CDH13: variants seen among roughly 807,000 people sequenced by gnomAD.
The protein encoded by CDH13 is cadherin 13, also known as cadherin-13.
In CDH13, 24 loss-of-function variants were observed where a neutral mutation model predicts 63.8. That is an observed-to-expected ratio of 0.38 (90% CI 0.27 to 0.53). The LOEUF (loss-of-function observed/expected upper bound fraction) is 0.53, where lower values mean the gene tolerates loss of function less well. Ranked by LOEUF, CDH13 falls within the 20% of genes least tolerant of loss-of-function variation. The pLI, the probability that CDH13 is intolerant of heterozygous loss-of-function variation, is 0.85. For synonymous variants in CDH13, 503 were observed against 355.3 expected (o/e 1.42, Z -4.67); for missense variants, 1,049 against 903.1 (o/e 1.16, Z -2.07).
At chr16:83,536,302 G>C (rs901867400) in intron 7 of CDH13, among the ~76,000 whole-genome samples, 4 of 152,168 alleles carry the variant, frequency 2.6e-5, no homozygotes, top group Non-Finnish European at 5.9e-5. Flanking sequence ...AAGGTAAGAG[G>C]GGGAAGACCA....
intron 4 of CDH13, among the ~76,000 whole-genome samples, chr16:83,189,323 C>G (rs1184246934): frequency 6.6e-6 from 1 of 152,214 alleles, no homozygotes; most frequent in Non-Finnish European, 1.5e-5. Context: ...TGCCCCCAGT[C>G]TCCCTGGGAC....
In CDH13 at chr16:82,748,501, G is replaced by C. The variant is rs529864396; in HGVS notation, c.46-109861G>C. Among the ~76,000 whole-genome samples the C allele has an allele frequency of 1.4e-3, 211 of 152,222 alleles. 1 individual carries two copies. The highest frequency in any genetic ancestry group is 4.9e-3 in the African/African-American group (202 of 41,530). On this transcript the variant is annotated intron_variant, in intron 1 of 13. Transcript: ENST00000567109. Reference sequence around the variant, plus strand: ...TTCTGAATTGAGCTTTGGTTGTATGGGATAGATATCTGTTCTGTTGGTGGT... The same window carrying C: ...TTCTGAATTGAGCTTTGGTTGTATGCGATAGATATCTGTTCTGTTGGTGGT...
At chr16:82,902,081 G>C (rs2041491125) in intron 2 of CDH13, among the ~76,000 whole-genome samples, 4 of 152,152 alleles carry the variant, frequency 2.6e-5, no homozygotes, top group Admixed American at 2.6e-4. Context: ...TGGGCTGTTT[G>C]CCTATATCAA....
At chr16:83,373,138 A>G (rs558940338) in intron 6 of CDH13, among the ~76,000 whole-genome samples, 154 of 152,320 alleles carry the variant, frequency 1.0e-3, no homozygotes, top group African/African-American at 3.6e-3. Context: ...TATTGAGCAA[A>G]TGTTTAAACT....
chr16:83,571,101 C>T (rs1287206382), intron 7 of CDH13, among the ~76,000 whole-genome samples: 1 of 151,608 alleles, frequency 6.6e-6, no homozygotes, highest in East Asian at 1.9e-4. Flanking sequence ...CGTTGACATG[C>T]ACATATTTCC....
intron 1 of CDH13, among the ~76,000 whole-genome samples, chr16:82,692,230 AT>A (rs765206244): frequency 6.6e-5 from 10 of 152,232 alleles, no homozygotes; most frequent in Non-Finnish European, 1.5e-4. Context: ...CTTCTATGTT[AT>A]TAGGCTCAAA....
intron 2 of CDH13, among the ~76,000 whole-genome samples, chr16:82,940,872 G>T (rs1904278874): frequency 6.6e-6 from 1 of 152,120 alleles, no homozygotes; most frequent in African/African-American, 2.4e-5. Context: ...CTTTATTAGG[G>T]AAACATTTAT....
At chr16:83,278,681 C>T (rs887237516) in intron 5 of CDH13, among the ~76,000 whole-genome samples, 1 of 152,104 alleles carries the variant, frequency 6.6e-6, no homozygotes, top group Non-Finnish European at 1.5e-5. Context: ...GGCATTATTC[C>T]AGGGTAGTCT....
rs1909148031 is a variant in CDH13, at chr16:83,614,763, A to T, written c.1101+12169A>T. Among the ~76,000 whole-genome samples, 3 of 152,198 alleles carry T rather than the reference A, an allele frequency of 2.0e-5. No individual in the cohort carries two copies. The South Asian group carries it at 6.2e-4, about 32-fold the overall frequency. On this transcript the variant is annotated intron_variant, in intron 8 of 13. Transcript: ENST00000567109. ...TGGAGTATCAGGAAAATATCAGTAG[A>T]CATGGTGCGGATATAATTCCTGTGG...
intron 2 of CDH13, among the ~76,000 whole-genome samples, chr16:82,892,898 A>T (rs1401455456): frequency 6.6e-6 from 1 of 152,222 alleles, no homozygotes; most frequent in Non-Finnish European, 1.5e-5. Flanking sequence ...ATAGATATTG[A>T]ATTTAAAAGA....
At chr16:83,137,878 T>C (rs1194546568) in intron 4 of CDH13, among the ~76,000 whole-genome samples, 1 of 151,952 alleles carries the variant, frequency 6.6e-6, no homozygotes, top group Non-Finnish European at 1.5e-5. Context: ...TTAGGTTTTT[T>C]TTTTAAGAGG....
At chr16:82,809,857 T>C (rs934491647) in intron 1 of CDH13, among the ~76,000 whole-genome samples, 1 of 152,104 alleles carries the variant, frequency 6.6e-6, no homozygotes, top group Non-Finnish European at 1.5e-5. Flanking sequence ...AAGAAGTGGA[T>C]TAGAACAATT....
intron 2 of CDH13, among the ~76,000 whole-genome samples, chr16:82,935,794 G>C (rs922921364): frequency 6.6e-6 from 1 of 152,094 alleles, no homozygotes; most frequent in African/African-American, 2.4e-5. Context: ...TTGTGTACCA[G>C]GAAAATTTAG....
chr16:83,769,861 G>T (rs1008857830), intron 11 of CDH13, among the ~76,000 whole-genome samples: 4 of 152,034 alleles, frequency 2.6e-5, no homozygotes, highest in Non-Finnish European at 5.9e-5. Context: ...AAAAGGGCTA[G>T]GTAGGAAGCA....
At chr16:82,883,878 A>G (rs575728316) in intron 2 of CDH13, among the ~76,000 whole-genome samples, 1 of 152,304 alleles carries the variant, frequency 6.6e-6, no homozygotes, top group African/African-American at 2.4e-5. Flanking sequence ...GAGCTCAGCC[A>G]CTGGAGCCCA....
At chr16:83,078,676 C>A (rs1714865080) in intron 3 of CDH13, among the ~76,000 whole-genome samples, 2 of 152,204 alleles carry the variant, frequency 1.3e-5, no homozygotes, top group African/African-American at 2.4e-5. Context: ...ATGTAGTTTC[C>A]CATCTGGCAC....
chr16:82,890,311 T>G (rs1174742540), intron 2 of CDH13, among the ~76,000 whole-genome samples: 2 of 152,206 alleles, frequency 1.3e-5, no homozygotes, highest in Non-Finnish European at 2.9e-5. Context: ...GAACAGTGTA[T>G]AGGCTGGAAA....
chr16:83,154,841 T>C (rs2037140107), intron 4 of CDH13, among the ~76,000 whole-genome samples: 1 of 152,230 alleles, frequency 6.6e-6, no homozygotes, highest in African/African-American at 2.4e-5. Context: ...TGTTAAATGA[T>C]GTTATTTCAA....
chr16:83,602,533 C>T lies in CDH13; in HGVS notation c.1040C>T (p.Ala347Val), dbSNP rs1328670551. 2.5e-6 allele frequency: 4 copies of T among 1,613,800 alleles called. No individual in the cohort carries two copies. Among genetic ancestry groups the T allele is most frequent in the Non-Finnish European group, 3.4e-6 (4 of 1,179,826 alleles). ...CTGGATGTTGGATTAACAGGCACGG[C>T]CACAGCCACGATCATGATCGATGAC... ...AGLDVGLTGT[A>V]TATIMIDDKN... The change falls in exon 8 of 14, where the codon GCC (alanine) becomes GTC (valine). Residue 347 changes from alanine (A) to valine (V), a missense_variant. Ala to Val is a moderately conservative substitution (Grantham distance 64). Coordinates refer to ENST00000567109, the MANE Select transcript of CDH13 (RefSeq NM_001257.5).
Sources: allele counts gnomAD v4.1 joint callset (sites outside exome capture counted in the v4.1 genomes callset), GRCh38; gene constraint gnomAD v4.1.1; transcripts MANE v1.5; gene names NCBI Gene and HGNC (gene_info 2026-07-23, HGNC 2026-07-21).